Variants in ZC3H12B observed in about 807,000 individuals in gnomAD.
The protein encoded by ZC3H12B is zinc finger CCCH-type containing 12B, also known as probable ribonuclease ZC3H12B.
A neutral mutation model predicts 43.9 loss-of-function variants in ZC3H12B; 7 were observed. The observed-to-expected ratio is 0.16, with a 90% confidence interval of 0.09 to 0.30. ZC3H12B has a LOEUF of 0.30. ZC3H12B is among the 10% of genes least tolerant of loss of function. The pLI is 1.00. For missense variants in ZC3H12B, 475 were observed against 670.2 expected (o/e 0.71, Z 3.22); for synonymous variants, 222 against 241.7 (o/e 0.92, Z 0.76).
intron 2 of ZC3H12B, among the ~76,000 whole-genome samples, chrX:65,373,376 C>A (rs1394980657): frequency 9.0e-6 from 1 of 111,518 alleles, no homozygotes; most frequent in African/African-American, 3.3e-5. Flanking sequence ...TTTGATCCAG[C>A]CATCCCATTA....
upstream of ZC3H12B, among the ~76,000 whole-genome samples, chrX:65,365,988 G>A (rs749844452): frequency 1.8e-5 from 2 of 110,381 alleles, no homozygotes; most frequent in Non-Finnish European, 3.8e-5. Flanking sequence ...ACATAAAACT[G>A]AATGAAGCTA....
the ZC3H12B span, among the ~76,000 whole-genome samples, chrX:65,106,000 C>T: frequency 2.7e-5 from 3 of 111,820 alleles, no homozygotes; most frequent in Admixed American, 9.5e-5. Flanking sequence ...ATCCGTTATT[C>T]TGTTTTATTT....
the ZC3H12B span, among the ~76,000 whole-genome samples, chrX:65,206,772 G>A: frequency 0.01 from 1,149 of 111,355 alleles, 12 homozygotes; most frequent in African/African-American, 0.036. Flanking sequence ...TCTGACAAAG[G>A]ACTAATATCT....
chrX:65,122,363 C>A, the ZC3H12B span, among the ~76,000 whole-genome samples: 1 of 110,759 alleles, frequency 9.0e-6, no homozygotes, highest in Non-Finnish European at 1.9e-5. Flanking sequence ...CCAGGCCTGC[C>A]CTGAAAGAGC....
At chrX:65,251,773 G>T in the ZC3H12B span, among the ~76,000 whole-genome samples, 1 of 111,333 alleles carries the variant, frequency 9.0e-6, no homozygotes, top group African/African-American at 3.3e-5. Flanking sequence ...TGTGATTTTT[G>T]CACATTGATT....
the ZC3H12B span, among the ~76,000 whole-genome samples, chrX:65,146,837 A>T: frequency 9.0e-6 from 1 of 111,544 alleles, no homozygotes; most frequent in Non-Finnish European, 1.9e-5. Flanking sequence ...TCAACCATAG[A>T]TACAAGCACA....
chrX:65,087,477 G>T, the ZC3H12B span, among the ~76,000 whole-genome samples: 1 of 112,067 alleles, frequency 8.9e-6, no homozygotes, highest in African/African-American at 3.2e-5. Flanking sequence ...TAATCCAAGG[G>T]TGATGGATTT....
At chrX:65,190,987 T>C in the ZC3H12B span, among the ~76,000 whole-genome samples, 2 of 89,454 alleles carry the variant, frequency 2.2e-5, 1 homozygote. Flanking sequence ...ATACCTAATT[T>C]ATTGAGAGTT....
intron 3 of ZC3H12B, among the ~76,000 whole-genome samples, chrX:65,438,206 G>A (rs1260538158): frequency 9.0e-6 from 1 of 110,825 alleles, no homozygotes; most frequent in African/African-American, 3.3e-5. Context: ...GCTATTCTGG[G>A]TCCTTTGTGT....
chrX:65,150,980 G>T, the ZC3H12B span, among the ~76,000 whole-genome samples: 2 of 111,611 alleles, frequency 1.8e-5, no homozygotes, highest in Non-Finnish European at 3.8e-5. Context: ...CTCTCTGGAG[G>T]ACAGAGAATT....
chrX:65,467,553 T>A (rs2067842003), intron 3 of ZC3H12B, among the ~76,000 whole-genome samples: 1 of 112,329 alleles, frequency 8.9e-6, no homozygotes, highest in South Asian at 3.7e-4. Flanking sequence ...GATTGTACTA[T>A]TTACATTATC....
At chrX:65,120,697 T>A in the ZC3H12B span, among the ~76,000 whole-genome samples, 1 of 110,843 alleles carries the variant, frequency 9.0e-6, no homozygotes, top group East Asian at 2.9e-4. Context: ...TGAATAGGAG[T>A]GGTGACAGAG....
At chrX:65,080,947 G>A in the ZC3H12B span, among the ~76,000 whole-genome samples, 13 of 108,400 alleles carry the variant, frequency 1.2e-4, no homozygotes, top group African/African-American at 4.4e-4. Context: ...AGTATAATAA[G>A]ATATCAATAA....
At chrX:65,176,016 C>T in the ZC3H12B span, among the ~76,000 whole-genome samples, 4 of 110,030 alleles carry the variant, frequency 3.6e-5, no homozygotes, top group South Asian at 7.6e-4. Context: ...GCCCCAGTGG[C>T]GCCTGGAACA....
chrX:65,304,597 C>T, the ZC3H12B span, among the ~76,000 whole-genome samples: 1 of 97,528 alleles, frequency 1.0e-5, no homozygotes, highest in African/African-American at 4.1e-5. Flanking sequence ...GCCTGGGGGA[C>T]AGAGCGACAC....
At chrX:65,232,062 C>T in the ZC3H12B span, among the ~76,000 whole-genome samples, 7 of 100,738 alleles carry the variant, frequency 6.9e-5, no homozygotes, top group Admixed American at 1.0e-4. Context: ...GGTGAAACCC[C>T]GTCTCTACTA....
At chrX:65,471,235 T>C (rs763852533) in intron 3 of ZC3H12B, among the ~76,000 whole-genome samples, 6 of 111,267 alleles carry the variant, frequency 5.4e-5, no homozygotes, top group South Asian at 3.8e-4. Context: ...TCTTGTTGGA[T>C]TGATGCTTTT....
chrX:65,407,443 G>T (rs2066844879), intron 3 of ZC3H12B, among the ~76,000 whole-genome samples: 1 of 113,059 alleles, frequency 8.8e-6, no homozygotes, highest in African/African-American at 3.2e-5. Context: ...CCCCGGCCAG[G>T]AGCCTCCGCC....
the ZC3H12B span, among the ~76,000 whole-genome samples, chrX:65,295,533 CAGA>C: frequency 4.1e-4 from 46 of 111,202 alleles, no homozygotes; most frequent in Non-Finnish European, 7.8e-4. Flanking sequence ...CCAAACCCAA[CAGA>C]AGAAGAGTCA....
Sources: gnomAD v4.1 joint callset for allele counts (sites outside exome capture counted in the v4.1 genomes callset) on GRCh38, gnomAD v4.1.1 for gene constraint, MANE v1.5 for transcripts, NCBI Gene and HGNC (gene_info 2026-07-23, HGNC 2026-07-21) for gene names.